Variants in CLINT1 observed in about 807,000 individuals in gnomAD.
CLINT1 encodes clathrin interactor 1, also known as clathrin interacting protein localized in the trans-Golgi region.
Under a neutral mutation model 70.4 loss-of-function variants are expected in CLINT1, and 15 were observed. The ratio of observed to expected loss-of-function variants is 0.21; its 90% CI spans 0.14 to 0.33. The LOEUF is 0.33. Ranked by LOEUF, CLINT1 falls within the 10% of genes least tolerant of loss-of-function variation. The pLI, the probability that CLINT1 is intolerant of heterozygous loss-of-function variation, is 1.00. For missense variants in CLINT1, 615 were observed against 778.1 expected, an observed-to-expected ratio of 0.79 and a Z score of 2.49; for synonymous variants, 227 against 254.7, an observed-to-expected ratio of 0.89 and a Z score of 1.04.
chr5:157,802,004 C>T (rs1177851345), intron 8 of CLINT1, among the ~76,000 whole-genome samples: 1 of 151,920 alleles, frequency 6.6e-6, no homozygotes, highest in Admixed American at 6.6e-5. Context: ...AAGCGATTCT[C>T]CTGCCTTAGT....
At chr5:157,840,907 T>C (rs1296452167) in intron 1 of CLINT1, among the ~76,000 whole-genome samples, 2 of 152,038 alleles carry the variant, frequency 1.3e-5, no homozygotes, top group East Asian at 1.9e-4. Context: ...TATATATTTT[T>C]TTCTTTTTAA....
At chr5:157,816,044 T>A (rs910136551) in intron 3 of CLINT1, among the ~76,000 whole-genome samples, 1 of 152,210 alleles carries the variant, frequency 6.6e-6, no homozygotes, top group Non-Finnish European at 1.5e-5. Context: ...TTCAATTATT[T>A]CATCACACCT....
Position 157,814,285 on chromosome 5 carries a change from C to A in CLINT1, c.252G>T (p.Leu84=). 1 of 1,605,462 alleles carries A rather than the reference C, an allele frequency of 6.2e-7. No homozygotes were observed. Among genetic ancestry groups the A allele is most frequent in the African/African-American group, 1.3e-5 (1 of 74,910 alleles). Residue 84 remains leucine, a synonymous_variant, in exon 4 of 12, where the codon CTG becomes CTT. Coordinates refer to ENST00000411809, the MANE Select transcript of CLINT1 (RefSeq NM_014666.4). ...CATTCCTTATGAGGTAAGCTAGGAG[C>A]AGCAACGACTGCAAAAATACAAAGC... ...KNWRRVYKSL[L]LLAYLIRNGS...
intron 1 of CLINT1, among the ~76,000 whole-genome samples, chr5:157,837,649 C>CT (rs202044066): frequency 4.3e-4 from 59 of 138,510 alleles, no homozygotes; most frequent in Admixed American, 8.0e-4. Flanking sequence ...AGCTCTTTTA[C>CT]TTTTTTTTTT....
At chr5:157,839,720 A>AATCTACCTATCTATCTATCT (rs1554102222) in intron 1 of CLINT1, among the ~76,000 whole-genome samples, 5 of 148,408 alleles carry the variant, frequency 3.4e-5, no homozygotes, top group Non-Finnish European at 6.0e-5. Flanking sequence ...TTACAACAAA[A>AATCTACCTATCTATCTATCT]ATCTATCTAT....
chr5:157,818,866 A>T (rs1044615012), intron 1 of CLINT1, among the ~76,000 whole-genome samples: 1 of 152,230 alleles, frequency 6.6e-6, no homozygotes, highest in African/African-American at 2.4e-5. Flanking sequence ...GACATCCTAT[A>T]GTAGTATTCA....
Position 157,812,601 on chromosome 5 carries a change from G to T in CLINT1, c.517+462C>A, listed in dbSNP as rs571711188. The stretch of plus-strand genomic sequence containing the variant: ...TCAAAGTATGCAATGCTTAAATAAA[G>T]AAAGAGAGACTGAGGCTGGAATGAC... On this transcript the variant is annotated intron_variant, in intron 5 of 11. Coordinates refer to ENST00000411809, the MANE Select transcript of CLINT1 (RefSeq NM_014666.4). Among the ~76,000 whole-genome samples the T allele has an allele frequency of 5.9e-5, 9 of 152,292 alleles. No individual in the cohort carries two copies. The South Asian group carries it at 1.9e-3, about 32-fold the overall frequency.
chr5:157,835,433 T>C (rs1763385776), intron 1 of CLINT1, among the ~76,000 whole-genome samples: 1 of 152,186 alleles, frequency 6.6e-6, no homozygotes, highest in African/African-American at 2.4e-5. Context: ...CAAAGGAACC[T>C]ACCCCTGTGT....
At position 157,786,877 on chromosome 5, in the gene CLINT1, A is replaced by G. The variant is rs1449024756; in HGVS notation, c.*769T>C. On this transcript the variant is annotated 3_prime_UTR_variant, in exon 12 of 12. Transcript: ENST00000411809. ...AAGTTAATCACTGCAAATTGTAAAT[A>G]ATGACTGCTAAAAACAAACAGAAGT... 2 of 152,304 alleles carry G rather than the reference A, an allele frequency of 1.3e-5. No homozygotes were observed. Among genetic ancestry groups the G allele is most frequent in the African/African-American group, 4.8e-5 (2 of 41,472 alleles). The allele number at this position is 152,304 out of a possible 1,614,324, so 9.4% of individuals were successfully genotyped here.
chr5:157,849,248 A>T (rs1160218614), intron 1 of CLINT1, among the ~76,000 whole-genome samples: 1 of 152,250 alleles, frequency 6.6e-6, no homozygotes, highest in Non-Finnish European at 1.5e-5. Context: ...CCCAAACTTC[A>T]GCAATCCCAC....
chr5:157,829,674 C>T (rs1417995750), intron 1 of CLINT1, among the ~76,000 whole-genome samples: 1 of 148,258 alleles, frequency 6.7e-6, no homozygotes. Flanking sequence ...TAGGTGCACG[C>T]CACCACACCC....
At chr5:157,803,786 C>T in intron 7 of CLINT1, 67 bp from the exon 8 acceptor site, 4 of 1,135,602 alleles carry the variant, frequency 3.5e-6, no homozygotes, top group Non-Finnish European at 4.9e-6. Context: ...CTCTATCCAT[C>T]TCTAATTCTC....
At chr5:157,835,918 T>C (rs185780016) in intron 1 of CLINT1, among the ~76,000 whole-genome samples, 7 of 152,208 alleles carry the variant, frequency 4.6e-5, no homozygotes, top group African/African-American at 1.7e-4. Flanking sequence ...TTCAAAAACA[T>C]GAAAACTTCT....
At chr5:157,823,274 CT>C (rs1201140351) in intron 1 of CLINT1, among the ~76,000 whole-genome samples, 2 of 152,096 alleles carry the variant, frequency 1.3e-5, no homozygotes, top group African/African-American at 4.8e-5. Context: ...TATATTAATA[CT>C]CTCCTGTATT....
chr5:157,836,395 T>A (rs918669700), intron 1 of CLINT1, among the ~76,000 whole-genome samples: 3 of 152,204 alleles, frequency 2.0e-5, no homozygotes, highest in African/African-American at 7.2e-5. Flanking sequence ...TAGATGAAGG[T>A]CCAGAGACCA....
chr5:157,799,185 G>A (rs762215984), intron 8 of CLINT1, among the ~76,000 whole-genome samples: 3 of 151,974 alleles, frequency 2.0e-5, no homozygotes, highest in Non-Finnish European at 4.4e-5. Context: ...AATTGAATGT[G>A]CATTACTTTT....
chr5:157,797,435 G>C (rs1180751995), intron 8 of CLINT1, among the ~76,000 whole-genome samples: 3 of 152,148 alleles, frequency 2.0e-5, no homozygotes, highest in Non-Finnish European at 4.4e-5. Flanking sequence ...ACCCAGACTA[G>C]AGTGCAATGG....
chr5:157,825,994 CTACT>C (rs1192953001), intron 1 of CLINT1, among the ~76,000 whole-genome samples: 1 of 151,994 alleles, frequency 6.6e-6, no homozygotes, highest in Non-Finnish European at 1.5e-5. Context: ...TGTATTTGTA[CTACT>C]TATAGATAAA....
intron 1 of CLINT1, among the ~76,000 whole-genome samples, chr5:157,846,189 G>A (rs760400815): frequency 6.6e-6 from 1 of 152,342 alleles, no homozygotes; most frequent in East Asian, 1.9e-4. Context: ...GCTTAGGAAG[G>A]TATGTTGAAA....
Sources: allele counts gnomAD v4.1 joint callset (sites outside exome capture counted in the v4.1 genomes callset), GRCh38; gene constraint gnomAD v4.1.1; transcripts MANE v1.5; gene names NCBI Gene and HGNC (gene_info 2026-07-23, HGNC 2026-07-21).